Variants in EHBP1 observed in about 807,000 individuals in gnomAD.
EHBP1 encodes the protein EH domain-binding protein 1.
EHBP1 carries 55 observed loss-of-function variants against 144.0 expected under a neutral mutation model. That is an observed-to-expected ratio of 0.38 (90% CI 0.31 to 0.48). The LOEUF is 0.48. EHBP1 is among the 20% of genes least tolerant of loss of function. The pLI is 0.98. For synonymous variants in EHBP1, 469 were observed against 472.7 expected (o/e 0.99, Z 0.10); for missense variants, 1,200 against 1,364.2 (o/e 0.88, Z 1.90).
At chr2:63,020,706 T>C (rs1452141395) in intron 19 of EHBP1, among the ~76,000 whole-genome samples, 1 of 151,128 alleles carries the variant, frequency 6.6e-6, no homozygotes, top group East Asian at 1.9e-4. Context: ...TGAGATGGAG[T>C]CTTGCTCAGT....
chr2:62,870,557 A>G (rs1330111319), intron 9 of EHBP1, among the ~76,000 whole-genome samples: 1 of 151,606 alleles, frequency 6.6e-6, no homozygotes, highest in African/African-American at 2.4e-5. Context: ...CATCTACTAA[A>G]AATACAAAAT....
chr2:62,716,624 A>G (rs972969169), intron 2 of EHBP1, among the ~76,000 whole-genome samples: 3 of 152,216 alleles, frequency 2.0e-5, no homozygotes, highest in Admixed American at 2.0e-4. Flanking sequence ...CTTTACCATC[A>G]TCTTCAGCTA....
At chr2:62,825,369 C>G (rs2046272467) in intron 5 of EHBP1, among the ~76,000 whole-genome samples, 1 of 151,900 alleles carries the variant, frequency 6.6e-6, no homozygotes, top group African/African-American at 2.4e-5. Context: ...CTTTTGATAG[C>G]AAATAGGTTT....
chr2:63,032,124 T>G (rs561140887), intron 19 of EHBP1, among the ~76,000 whole-genome samples: 2 of 151,982 alleles, frequency 1.3e-5, no homozygotes, highest in Non-Finnish European at 2.9e-5. Context: ...TTAGGAGATA[T>G]ACCTAATGTA....
intron 10 of EHBP1, among the ~76,000 whole-genome samples, chr2:62,930,827 A>C (rs928512628): frequency 2.6e-5 from 4 of 152,206 alleles, no homozygotes; most frequent in Non-Finnish European, 5.9e-5. Flanking sequence ...TGTCACATGC[A>C]AAAGAATGAA....
intron 2 of EHBP1, among the ~76,000 whole-genome samples, chr2:62,729,237 A>G (rs1179855197): frequency 7.0e-6 from 1 of 142,494 alleles, no homozygotes; most frequent in Non-Finnish European, 1.5e-5. Context: ...TCTTTGTGAT[A>G]CACTATAGTT....
chr2:62,730,867 C>G (rs62179271), intron 2 of EHBP1, among the ~76,000 whole-genome samples: 2 of 136,496 alleles, frequency 1.5e-5, no homozygotes, highest in African/African-American at 2.7e-5. Context: ...GACAGGCAGA[C>G]AGGCAGGCAG....
intron 2 of EHBP1, among the ~76,000 whole-genome samples, chr2:62,746,981 G>A (rs371928930): frequency 6.6e-6 from 1 of 152,170 alleles, no homozygotes; most frequent in East Asian, 1.9e-4. Flanking sequence ...ATACAGAGAT[G>A]CAAAAGTAGT....
rs2047478884 is a variant in EHBP1 at position 62,838,354 on chromosome 2, A to G, written c.634+7196A>G. 7.2e-5 allele frequency among the ~76,000 whole-genome samples: 11 copies of G among 152,248 alleles called. No individual in the cohort carries two copies. In the South Asian group the frequency reaches 2.3e-3, roughly 32 times the overall value. Reference sequence around the variant, plus strand: ...ACATTCAAAGCAGTGTGTAGAGGGAAATTTATAGCACTAAATGCCCACAAG... The same window carrying G: ...ACATTCAAAGCAGTGTGTAGAGGGAGATTTATAGCACTAAATGCCCACAAG... On this transcript the variant is annotated intron_variant, in intron 7 of 22. Coordinates refer to ENST00000431489, the MANE Select transcript of EHBP1 (RefSeq NM_001142616.3).
intron 5 of EHBP1, among the ~76,000 whole-genome samples, chr2:62,809,292 G>GAAAAA (rs985494969): frequency 4.3e-5 from 2 of 46,558 alleles, no homozygotes; most frequent in Admixed American, 2.5e-4. Flanking sequence ...CTATGTCTCA[G>GAAAAA]AAAAAAAAAA....
chr2:62,687,290 A>AT (rs1458706037), intron 1 of EHBP1, among the ~76,000 whole-genome samples: 3 of 152,202 alleles, frequency 2.0e-5, no homozygotes, highest in Non-Finnish European at 4.4e-5. Flanking sequence ...ACCCAAAGGC[A>AT]TTTTTCCTAT....
chr2:62,691,252 G>T (rs1268411060), intron 1 of EHBP1, among the ~76,000 whole-genome samples: 2 of 152,276 alleles, frequency 1.3e-5, no homozygotes, highest in Non-Finnish European at 2.9e-5. Context: ...AGGCAGTTCA[G>T]GGCAAATGTA....
At chr2:62,991,114 G>A (rs535644214) in intron 16 of EHBP1, among the ~76,000 whole-genome samples, 12 of 151,966 alleles carry the variant, frequency 7.9e-5, no homozygotes, top group Middle Eastern at 3.4e-3. Context: ...GCATGGTGGT[G>A]CATGACTGTA....
At chr2:62,752,210 A>G (rs1193109295) in intron 3 of EHBP1, among the ~76,000 whole-genome samples, 1 of 152,170 alleles carries the variant, frequency 6.6e-6, no homozygotes, top group Non-Finnish European at 1.5e-5. Flanking sequence ...TTCAAAGAAC[A>G]TCTTTATTTC....
intron 14 of EHBP1, among the ~76,000 whole-genome samples, chr2:62,976,954 G>T (rs1173829736): frequency 6.6e-6 from 1 of 151,436 alleles, no homozygotes; most frequent in East Asian, 1.9e-4. Flanking sequence ...CATCTATTAT[G>T]TTACCAAGAA....
At chr2:62,723,582 G>A (rs2036447162) in intron 2 of EHBP1, among the ~76,000 whole-genome samples, 1 of 152,154 alleles carries the variant, frequency 6.6e-6, no homozygotes, top group Admixed American at 6.5e-5. Context: ...TCACTGGCCT[G>A]TGTACTTAAG....
intron 5 of EHBP1, among the ~76,000 whole-genome samples, chr2:62,777,271 G>A (rs1273503409): frequency 6.6e-6 from 1 of 152,072 alleles, no homozygotes; most frequent in East Asian, 1.9e-4. Flanking sequence ...ACACCCAGCT[G>A]GTGTTGGTTT....
At position 62,996,645 on chromosome 2, in the gene EHBP1, A is replaced by C; in HGVS notation, c.2982A>C (p.Lys994Asn). Residue 994 changes from lysine (K) to asparagine (N), a missense_variant and splice_region_variant, in exon 19 of 23, where the codon AAA becomes AAC. This residue lies in a region of EHBP1 where 149 missense variants were observed against 217.0 expected (regional missense o/e 0.69). Coordinates refer to ENST00000431489, the MANE Select transcript of EHBP1 (RefSeq NM_001142616.3). ...RKPSEDEVLN[K>N]GFKDTSQYVV... ...TTCCTGTTTGTTCTTGTTAACAGAAAGGGTTCAAAGACACCAGTCAGTATG... is the reference window on the plus strand; with the variant it reads ...TTCCTGTTTGTTCTTGTTAACAGAACGGGTTCAAAGACACCAGTCAGTATG... The C allele has an allele frequency of 1.9e-6, 3 of 1,613,152 alleles. No homozygotes were observed. Among genetic ancestry groups the C allele is most frequent in the Non-Finnish European group, 2.5e-6 (3 of 1,179,496 alleles).
chr2:63,030,358 T>A (rs2061181582), intron 19 of EHBP1, among the ~76,000 whole-genome samples: 1 of 152,144 alleles, frequency 6.6e-6, no homozygotes, highest in South Asian at 2.1e-4. Flanking sequence ...CCTACATGAA[T>A]GTATAAATGC....
Sources: allele counts gnomAD v4.1 joint callset (sites outside exome capture counted in the v4.1 genomes callset), GRCh38; gene constraint gnomAD v4.1.1; regional missense constraint gnomAD v4.1.1; transcripts MANE v1.5; gene names NCBI Gene and HGNC (gene_info 2026-07-23, HGNC 2026-07-21).